NPSR1: variants seen among roughly 807,000 people sequenced by gnomAD.
The protein encoded by NPSR1 is neuropeptide S receptor 1, also known as neuropeptide S receptor.
Under a neutral mutation model 46.9 loss-of-function variants are expected in NPSR1, and 48 were observed. The observed-to-expected ratio is 1.02, with a 90% CI of 0.81 to 1.30. The LOEUF (loss-of-function observed/expected upper bound fraction) is 1.30, where lower values mean the gene tolerates loss of function less well. NPSR1 is among the 50% of genes most tolerant of loss of function. The probability of loss-of-function intolerance (pLI) is 0.00; values close to 1 mark genes in which losing one functional copy is unlikely to be tolerated. For missense variants in NPSR1, 450 were observed against 449.5 expected, an observed-to-expected ratio of 1.00 and a Z score of -0.01; for synonymous variants, 176 against 168.1, an observed-to-expected ratio of 1.05 and a Z score of -0.36.
chr7:34,724,374 G>A (rs1236106304), intron 2 of NPSR1, among the ~76,000 whole-genome samples: 1 of 152,134 alleles, frequency 6.6e-6, no homozygotes, highest in East Asian at 1.9e-4. Flanking sequence ...CTACCCATAA[G>A]CCCACATAGC....
intron 2 of NPSR1, among the ~76,000 whole-genome samples, chr7:34,767,629 G>A (rs1262206881): frequency 6.6e-6 from 1 of 152,044 alleles, no homozygotes; most frequent in Non-Finnish European, 1.5e-5. Context: ...AAAATGATGG[G>A]ACAATATCAA....
At chr7:34,749,135 T>A (rs774512012) in intron 2 of NPSR1, among the ~76,000 whole-genome samples, 3 of 152,154 alleles carry the variant, frequency 2.0e-5, no homozygotes, top group Non-Finnish European at 4.4e-5. Context: ...ATTCTCCCTC[T>A]GCAATGTTCA....
chr7:34,744,089 T>A (rs903765691), intron 2 of NPSR1, among the ~76,000 whole-genome samples: 1 of 152,214 alleles, frequency 6.6e-6, no homozygotes, highest in African/African-American at 2.4e-5. Flanking sequence ...CTTGCTAAAA[T>A]CTGAAGTTCT....
intron 2 of NPSR1, among the ~76,000 whole-genome samples, chr7:34,739,887 G>T (rs1784857599): frequency 6.6e-6 from 1 of 152,292 alleles, no homozygotes; most frequent in South Asian, 2.1e-4. Context: ...GTTGGCCTCT[G>T]CCAGGAGGTG....
rs368124990 is a variant in NPSR1, at chr7:34,750,036, G to A, written c.281-28426G>A. Among the ~76,000 whole-genome samples the A allele has an allele frequency of 2.3e-4, 35 of 151,688 alleles. 1 individual carries two copies. The highest frequency in any genetic ancestry group is 8.5e-4 in the African/African-American group (35 of 41,340). ...TTATTCATTAGAAAACAAGGAGACTGGCAAACATATATTCCAAAGTGAAAG... is the reference window on the plus strand; with the variant it reads ...TTATTCATTAGAAAACAAGGAGACTAGCAAACATATATTCCAAAGTGAAAG... On this transcript the variant is annotated intron_variant, in intron 2 of 8. Coordinates refer to ENST00000360581, the MANE Select transcript of NPSR1 (RefSeq NM_207172.2).
At chr7:34,763,698 C>T (rs188267186) in intron 2 of NPSR1, among the ~76,000 whole-genome samples, 32 of 152,268 alleles carry the variant, frequency 2.1e-4, no homozygotes, top group Admixed American at 1.6e-3. Context: ...GAGCTTCCCA[C>T]ACCAATGGAG....
At chr7:34,815,394 C>A (rs80137451) in intron 4 of NPSR1, among the ~76,000 whole-genome samples, 1 of 152,146 alleles carries the variant, frequency 6.6e-6, no homozygotes, top group Non-Finnish European at 1.5e-5. Flanking sequence ...AAGAAACAAA[C>A]AAAGCCTCCA....
At chr7:34,777,308 T>A (rs954840208) in intron 2 of NPSR1, among the ~76,000 whole-genome samples, 1 of 152,082 alleles carries the variant, frequency 6.6e-6, no homozygotes, top group Non-Finnish European at 1.5e-5. Context: ...GCTGTCTCCA[T>A]GGGGTGGGGC....
At position 34,778,207 on chromosome 7, in the gene NPSR1, A is replaced by G. The variant is rs116917221; in HGVS notation, c.281-255A>G. On this transcript the variant is annotated intron_variant, in intron 2 of 8. Coordinates refer to ENST00000360581, the MANE Select transcript of NPSR1 (RefSeq NM_207172.2). ...GACTTAAAAAGTCAACTCTATGATT[A>G]GCATGATTCCTCTTCAGTCATTACT... 2.6e-5 allele frequency among the ~76,000 whole-genome samples: 4 copies of G among 152,292 alleles called. No individual in the cohort carries two copies. The East Asian group carries it at 7.7e-4, about 29-fold the overall frequency.
intron 2 of NPSR1, among the ~76,000 whole-genome samples, chr7:34,770,083 T>A (rs1004928927): frequency 6.6e-5 from 10 of 152,210 alleles, no homozygotes; most frequent in African/African-American, 2.4e-4. Flanking sequence ...TTATTTAAGA[T>A]TGAGCTCCAG....
intron 2 of NPSR1, among the ~76,000 whole-genome samples, chr7:34,775,042 GT>G (rs1451456732): frequency 5.3e-5 from 8 of 152,282 alleles, no homozygotes; most frequent in Admixed American, 3.3e-4. Context: ...GATGTGGCAT[GT>G]TCCTGAATTT....
intron 8 of NPSR1, among the ~76,000 whole-genome samples, chr7:34,866,011 A>G (rs1389505117): frequency 6.6e-6 from 1 of 151,818 alleles, no homozygotes; most frequent in African/African-American, 2.4e-5. Context: ...TTTGAAAAGG[A>G]GAGAGAAAGG....
chr7:34,692,775 T>C lies in NPSR1; in HGVS notation c.280+8091T>C, dbSNP rs551263809. Among the ~76,000 whole-genome samples the C allele has an allele frequency of 2.6e-5, 4 of 152,258 alleles. No individual in the cohort carries two copies. The East Asian group carries it at 7.7e-4, about 29-fold the overall frequency. On this transcript the variant is annotated intron_variant, in intron 2 of 8. Transcript: ENST00000360581. ...AAAGTCAACAAAACAAAATGTTGGA[T>C]CTTTGAAAAGATAAATGAAATTGGC... is the stretch of plus-strand genomic sequence containing the variant.
chr7:34,842,159 C>T (rs542146755), intron 6 of NPSR1, among the ~76,000 whole-genome samples: 1 of 152,300 alleles, frequency 6.6e-6, no homozygotes, highest in South Asian at 2.1e-4. Flanking sequence ...TGTTAATCTT[C>T]AAAGTAACTC....
At chr7:34,764,614 C>A (rs1017996691) in intron 2 of NPSR1, among the ~76,000 whole-genome samples, 1 of 152,142 alleles carries the variant, frequency 6.6e-6, no homozygotes, top group Non-Finnish European at 1.5e-5. Flanking sequence ...CTTCCCCAAA[C>A]AAAAAACTTA....
chr7:34,826,257 A>G (rs1421197328), intron 4 of NPSR1, among the ~76,000 whole-genome samples: 5 of 152,208 alleles, frequency 3.3e-5, no homozygotes, highest in Admixed American at 1.3e-4. Context: ...TCTTTTCTAC[A>G]TGAATCTAAT....
intron 4 of NPSR1, among the ~76,000 whole-genome samples, chr7:34,814,459 G>A (rs2128751707): frequency 6.6e-6 from 1 of 152,368 alleles, no homozygotes; most frequent in East Asian, 1.9e-4. Context: ...ACCTCTGTGG[G>A]CAGGACATAG....
intron 3 of NPSR1, among the ~76,000 whole-genome samples, chr7:34,791,508 G>A (rs1298368049): frequency 1.3e-5 from 2 of 151,084 alleles, no homozygotes; most frequent in African/African-American, 2.4e-5. Context: ...AATCAAGTAG[G>A]TGATAGACTT....
At chr7:34,671,657 G>C (rs1307433416) in intron 1 of NPSR1, among the ~76,000 whole-genome samples, 1 of 152,120 alleles carries the variant, frequency 6.6e-6, no homozygotes, top group East Asian at 1.9e-4. Context: ...CAACTTAGAT[G>C]CACAGAAAAC....
Sources: gnomAD v4.1 joint callset for allele counts (sites outside exome capture counted in the v4.1 genomes callset) on GRCh38, gnomAD v4.1.1 for gene constraint, MANE v1.5 for transcripts, NCBI Gene and HGNC (gene_info 2026-07-23, HGNC 2026-07-21) for gene names.